CHD1: variants seen among roughly 807,000 people sequenced by gnomAD.
CHD1 encodes chromodomain helicase DNA binding protein 1.
Under a neutral mutation model 224.2 loss-of-function variants are expected in CHD1, and 36 were observed. That is an observed-to-expected ratio of 0.16 (90% CI 0.12 to 0.21). The LOEUF (loss-of-function observed/expected upper bound fraction) is 0.21. CHD1 is among the 10% of genes least tolerant of loss of function. The probability of loss-of-function intolerance (pLI) is 1.00; values close to 1 mark genes in which losing one functional copy is unlikely to be tolerated. For synonymous variants in CHD1, 668 were observed against 658.3 expected, an observed-to-expected ratio of 1.01 and a Z score of -0.23; for missense variants, 1,378 against 1,994.8, an observed-to-expected ratio of 0.69 and a Z score of 5.89.
At chr5:98,875,460 C>T (rs1313654783) in intron 24 of CHD1, among the ~76,000 whole-genome samples, 1 of 152,174 alleles carries the variant, frequency 6.6e-6, no homozygotes, top group Non-Finnish European at 1.5e-5. Flanking sequence ...AATTATATTA[C>T]ACTTCCTCAC....
At chr5:98,913,141 C>T (rs1185824721) in intron 2 of CHD1, among the ~76,000 whole-genome samples, 6 of 152,144 alleles carry the variant, frequency 3.9e-5, no homozygotes, top group Non-Finnish European at 8.8e-5. Context: ...TTGTTCCCTT[C>T]CACCTATAGC....
At chr5:98,896,565 A>G in intron 11 of CHD1, 123 bp from the exon 12 acceptor site, 1 of 637,568 alleles carries the variant, frequency 1.6e-6, no homozygotes, top group East Asian at 2.7e-5. Flanking sequence ...TATAGAATAT[A>G]CCACTTTTAT....
At chr5:98,869,323 C>T (rs1749139124) in intron 30 of CHD1, 1 of 956,854 alleles carries the variant, frequency 1.0e-6, no homozygotes, top group African/African-American at 1.8e-5. Context: ...CAAATTTTAA[C>T]AACGACTAAT....
At chr5:98,908,350 C>G (rs1276118172) in intron 2 of CHD1, among the ~76,000 whole-genome samples, 1 of 152,178 alleles carries the variant, frequency 6.6e-6, no homozygotes, top group East Asian at 1.9e-4. Context: ...AGGTTTACTT[C>G]CACAGCACTC....
At chr5:98,905,845 T>C (rs1752016985) in intron 2 of CHD1, among the ~76,000 whole-genome samples, 1 of 152,154 alleles carries the variant, frequency 6.6e-6, no homozygotes. Context: ...AGAGCAGAAA[T>C]AGTCTGGACT....
rs943434666 is a variant in CHD1, at chr5:98,900,816, T to C, written c.854A>G (p.Lys285Arg). Reference protein sequence around the residue: ...ERFMDCRIGRKGATGATTTIY... With the variant: ...ERFMDCRIGRRGATGATTTIY... The stretch of plus-strand genomic sequence containing the variant: ...AATGGTTTTTTAAAAACTACCTCCT[T>C]TTCTCCCAATCCGACAATCCATAAA... Residue 285 changes from lysine (K) to arginine (R), a missense_variant, in exon 7 of 36, where the codon AAA becomes AGA. This residue lies in a region of CHD1 where 40 missense variants were observed against 60.0 expected (regional missense o/e 0.67). Transcript: ENST00000614616. The C allele has an allele frequency of 6.2e-7, 1 of 1,606,818 alleles. No individual in the cohort carries two copies. Among genetic ancestry groups the C allele is most frequent in the Non-Finnish European group, 8.5e-7 (1 of 1,177,964 alleles).
chr5:98,927,634 T>C (rs1476422868), intron 1 of CHD1, among the ~76,000 whole-genome samples: 1 of 152,224 alleles, frequency 6.6e-6, no homozygotes, highest in Non-Finnish European at 1.5e-5. Flanking sequence ...TGTTAAATAT[T>C]AATCTCAACC....
intron 27 of CHD1, 41 bp downstream of exon 27, chr5:98,872,376 G>T: frequency 6.4e-7 from 1 of 1,570,306 alleles, no homozygotes; most frequent in Non-Finnish European, 8.7e-7. Context: ...TGCAATTATT[G>T]AATAACAAAA....
At chr5:98,883,003 C>A in intron 19 of CHD1, 85 bp downstream of exon 19, 1 of 908,812 alleles carries the variant, frequency 1.1e-6, no homozygotes, top group South Asian at 3.0e-5. Context: ...TGATCTTATC[C>A]TCTAGAGGAT....
intron 4 of CHD1, 89 bp from the exon 5 acceptor site, chr5:98,903,053 A>C: frequency 1.5e-6 from 1 of 683,414 alleles, no homozygotes; most frequent in South Asian, 2.2e-5. Flanking sequence ...TTTAACATTC[A>C]CTTTACAAAT....
chr5:98,869,618 G>GCACA lies in CHD1; in HGVS notation c.4107+135_4107+136insTGTG, dbSNP rs1401470155. ...GAACTATAAGTGCGTGCGCACGTGC[G>GCACA]CGCGCACACACACACACACACACAC... is the stretch of plus-strand genomic sequence containing the variant. On this transcript the variant is annotated intron_variant, in intron 30 of 35. Transcript: ENST00000614616. 1.5e-3 allele frequency: 1,212 copies of GCACA among 795,894 alleles called. 11 individuals carry two copies. In the African/African-American group the frequency reaches 0.033, roughly 22 times the overall value. The allele number at this position is 795,894 out of a possible 1,614,324, so 49.3% of individuals were successfully genotyped here. A position where few individuals can be genotyped will look rare whatever the true frequency, so the allele number is the denominator to read the frequency against.
In CHD1 at chr5:98,897,245, A is replaced by C. The variant is rs748467904; in HGVS notation, c.1441T>G (p.Leu481Val). 1.9e-6 allele frequency: 3 copies of C among 1,612,998 alleles called. No individual in the cohort carries two copies. The highest frequency in any genetic ancestry group is 1.7e-6 in the Non-Finnish European group (2 of 1,179,258). The change falls in exon 11 of 36, where the codon TTA (leucine) becomes GTA (valine). Residue 481 changes from leucine (L) to valine (V), a missense_variant. Physicochemically the swap from Leu to Val is conservative, Grantham distance 32. Coordinates refer to ENST00000614616, the MANE Select transcript of CHD1 (RefSeq NM_001270.4). ...AAACCATTCAGTTGATAATCTCTTA[A>C]TTCTAAGCCCTCATGTCCTCCAATA... ...SYIGGHEGLE[L>V]RDYQLNGLNW...
intron 30 of CHD1, chr5:98,869,495 G>A: frequency 2.8e-6 from 1 of 361,424 alleles, no homozygotes; most frequent in Non-Finnish European, 4.8e-6. Context: ...CATCAAATTG[G>A]CAAATGTTTG....
Position 98,885,655 on chromosome 5 carries a change from A to C in CHD1, c.2497-6T>G. On this transcript the variant is annotated splice_region_variant and splice_polypyrimidine_tract_variant and intron_variant, in intron 17 of 35. Transcript: ENST00000614616. The stretch of plus-strand genomic sequence containing the variant: ...TTTATTGATCCATCTAATCTCTAGA[A>C]AAAAACACATTAAAATACTGCATAA... The C allele has an allele frequency of 6.6e-7, 1 of 1,510,662 alleles. No individual in the cohort carries two copies. The highest frequency in any genetic ancestry group is 9.1e-7 in the Non-Finnish European group (1 of 1,103,060). 93.6% of individuals were successfully genotyped at this position (1,510,662 alleles called of 1,614,324 possible). A position where few individuals can be genotyped will look rare whatever the true frequency, so the allele number is the denominator to read the frequency against.
chr5:98,869,622 GCACACACACACACACACACACA>G (rs113502266), intron 30 of CHD1, 110 bp downstream of exon 30: 1 of 676,252 alleles, frequency 1.5e-6, no homozygotes, highest in Non-Finnish European at 2.4e-6. Flanking sequence ...ACGTGCGCGC[GCACACACACACACACACACACA>G]CACACACAGA....
chr5:98,894,650 G>A lies in CHD1; in HGVS notation c.1747C>T (p.Arg583Trp). The A allele has an allele frequency of 1.4e-6, 2 of 1,478,730 alleles. No individual in the cohort carries two copies. Among genetic ancestry groups the A allele is most frequent in the Non-Finnish European group, 1.9e-6 (2 of 1,076,624 alleles). 91.6% of individuals were successfully genotyped at this position (1,478,730 alleles called of 1,614,324 possible). ...GTTAACAATATATTAAATTTTAACC[G>A]TTTGGTCTGATGATGCGTCCATTCA... ...THEWTHHQTK[R>W]LKFNILLTTY... Residue 583 changes from arginine (R) to tryptophan (W), a missense_variant, in exon 13 of 36, where the codon CGG becomes TGG. Transcript: ENST00000614616.
chr5:98,900,710 C>G (rs954654389), intron 7 of CHD1, 101 bp downstream of exon 7: 3 of 1,061,500 alleles, frequency 2.8e-6, no homozygotes, highest in African/African-American at 3.2e-5. Context: ...CCTCGGCCCC[C>G]CAAAGTACTG....
At chr5:98,884,676 T>A (rs1221037721) in intron 18 of CHD1, among the ~76,000 whole-genome samples, 1 of 151,902 alleles carries the variant, frequency 6.6e-6, no homozygotes, top group Non-Finnish European at 1.5e-5. Context: ...AAATTTTTTT[T>A]AAAGGAAAGT....
intron 14 of CHD1, among the ~76,000 whole-genome samples, 164 bp downstream of exon 14, chr5:98,893,252 G>C (rs1310203624): frequency 6.6e-6 from 1 of 152,088 alleles, no homozygotes; most frequent in Admixed American, 6.5e-5. Flanking sequence ...AATTCAAATA[G>C]TATTACAAAC....
Sources: allele counts gnomAD v4.1 joint callset (sites outside exome capture counted in the v4.1 genomes callset), GRCh38; gene constraint gnomAD v4.1.1; regional missense constraint gnomAD v4.1.1; transcripts MANE v1.5; gene names NCBI Gene and HGNC (gene_info 2026-07-23, HGNC 2026-07-21).